HS3ST4: variants seen among roughly 807,000 people sequenced by gnomAD.
HS3ST4 encodes heparan sulfate glucosamine 3-O-sulfotransferase 4.
HS3ST4 carries 17 observed loss-of-function variants against 29.2 expected under a neutral mutation model. The observed-to-expected ratio is 0.58, with a 90% confidence interval of 0.40 to 0.87. The LOEUF (loss-of-function observed/expected upper bound fraction) is 0.87. HS3ST4 is among the 40% of genes least tolerant of loss of function. The probability of loss-of-function intolerance (pLI) is 0.00; values close to 1 mark genes in which losing one functional copy is unlikely to be tolerated. For synonymous variants in HS3ST4, 314 were observed against 285.7 expected (o/e 1.10, Z -1.00); for missense variants, 627 against 634.5 (o/e 0.99, Z 0.13).
At chr16:25,820,510 CAGCCTCCTGAGT>C (rs1967142426) in intron 1 of HS3ST4, among the ~76,000 whole-genome samples, 1 of 152,222 alleles carries the variant, frequency 6.6e-6, no homozygotes, top group Non-Finnish European at 1.5e-5. Context: ...CCTCCTGCCT[CAGCCTCCTGAGT>C]AGCTAGGACT....
intron 1 of HS3ST4, among the ~76,000 whole-genome samples, chr16:26,006,546 A>G (rs941913968): frequency 1.3e-5 from 2 of 152,108 alleles, no homozygotes; most frequent in Non-Finnish European, 2.9e-5. Context: ...TATTATTCAA[A>G]TAAGCCTTCC....
chr16:25,814,681 G>C (rs1225999618), intron 1 of HS3ST4, among the ~76,000 whole-genome samples: 1 of 152,192 alleles, frequency 6.6e-6, no homozygotes, highest in Non-Finnish European at 1.5e-5. Context: ...TTGGACGCAG[G>C]CCAAATGACT....
At chr16:25,799,236 C>T (rs1351227304) in intron 1 of HS3ST4, among the ~76,000 whole-genome samples, 1 of 152,160 alleles carries the variant, frequency 6.6e-6, no homozygotes. Flanking sequence ...TTCAAATTCC[C>T]ATTGTTACCT....
At chr16:26,001,962 A>T (rs1277299347) in intron 1 of HS3ST4, among the ~76,000 whole-genome samples, 3 of 152,146 alleles carry the variant, frequency 2.0e-5, no homozygotes, top group Non-Finnish European at 4.4e-5. Context: ...CTTGGTAACT[A>T]ATTGAACATG....
chr16:25,731,383 C>T (rs940724737), intron 1 of HS3ST4, among the ~76,000 whole-genome samples: 1 of 152,168 alleles, frequency 6.6e-6, no homozygotes. Context: ...CTGTGTTGCC[C>T]AGGCTGGAGT....
intron 1 of HS3ST4, among the ~76,000 whole-genome samples, chr16:25,999,090 T>G (rs558483098): frequency 1.2e-3 from 189 of 152,294 alleles, no homozygotes; most frequent in African/African-American, 4.2e-3. Flanking sequence ...TATTTATATT[T>G]TTACTAGCTA....
chr16:26,059,746 C>T (rs144424237), intron 1 of HS3ST4, among the ~76,000 whole-genome samples: 45 of 151,994 alleles, frequency 3.0e-4, no homozygotes, highest in East Asian at 7.7e-4. Flanking sequence ...CTTTCAAACG[C>T]GCTAGTATTA....
In HS3ST4 at chr16:25,798,776, A is replaced by G. The variant is rs147857660; in HGVS notation, c.734+105625A>G. Among the ~76,000 whole-genome samples the G allele has an allele frequency of 1.7e-3, 253 of 152,316 alleles. 2 individuals carry two copies. The Middle Eastern group carries it at 0.017, about 10-fold the overall frequency. ...TCATGTGGGGCTTCACGGCACCCTC[A>G]TTCTTTAGATGCTTGTCTCTAATCC... On this transcript the variant is annotated intron_variant, in intron 1 of 1. Coordinates refer to ENST00000331351, the MANE Select transcript of HS3ST4 (RefSeq NM_006040.3).
chr16:26,054,629 G>A (rs552608490), intron 1 of HS3ST4, among the ~76,000 whole-genome samples: 2 of 152,268 alleles, frequency 1.3e-5, no homozygotes, highest in African/African-American at 4.8e-5. Flanking sequence ...ATAAGAACTG[G>A]GTACTGGAGT....
At chr16:25,795,649 A>G (rs1240788709) in intron 1 of HS3ST4, among the ~76,000 whole-genome samples, 1 of 152,144 alleles carries the variant, frequency 6.6e-6, no homozygotes, top group African/African-American at 2.4e-5. Context: ...GTTGGAGATT[A>G]TGTATATCAA....
intron 1 of HS3ST4, among the ~76,000 whole-genome samples, chr16:26,123,504 A>G (rs1342507419): frequency 6.6e-6 from 1 of 152,226 alleles, no homozygotes. Context: ...AACAATTTGT[A>G]CTATTTCAGA....
chr16:25,833,524 A>G (rs1012235444), intron 1 of HS3ST4, among the ~76,000 whole-genome samples: 11 of 152,230 alleles, frequency 7.2e-5, no homozygotes, highest in African/African-American at 2.7e-4. Flanking sequence ...CTGATATATC[A>G]TAAGCACTTA....
At chr16:25,806,396 C>G (rs1966991725) in intron 1 of HS3ST4, among the ~76,000 whole-genome samples, 2 of 152,050 alleles carry the variant, frequency 1.3e-5, no homozygotes, top group Admixed American at 1.3e-4. Flanking sequence ...CCTCAAGTCC[C>G]CTACTCATGA....
intron 1 of HS3ST4, among the ~76,000 whole-genome samples, chr16:25,999,716 ACTTT>A (rs1337581186): frequency 8.3e-5 from 12 of 145,320 alleles, no homozygotes; most frequent in African/African-American, 3.0e-4. Flanking sequence ...TTCACATTGT[ACTTT>A]CTATTTAAAG....
At chr16:26,124,796 T>C (rs974349042) in intron 1 of HS3ST4, among the ~76,000 whole-genome samples, 2 of 152,234 alleles carry the variant, frequency 1.3e-5, no homozygotes, top group African/African-American at 4.8e-5. Context: ...TTAGAGTTGA[T>C]GAGGAACTTC....
chr16:25,872,850 A>G (rs1357775062), intron 1 of HS3ST4, among the ~76,000 whole-genome samples: 1 of 151,728 alleles, frequency 6.6e-6, no homozygotes, highest in Non-Finnish European at 1.5e-5. Context: ...ACATACTACA[A>G]GCTTCTCTGT....
intron 1 of HS3ST4, among the ~76,000 whole-genome samples, chr16:26,046,769 T>G (rs1463381880): frequency 6.6e-6 from 1 of 152,160 alleles, no homozygotes; most frequent in African/African-American, 2.4e-5. Flanking sequence ...CAATACTTAC[T>G]GGGGTGCTAG....
At chr16:25,731,437 C>T (rs189114366) in intron 1 of HS3ST4, among the ~76,000 whole-genome samples, 19 of 152,134 alleles carry the variant, frequency 1.2e-4, no homozygotes, top group African/African-American at 3.6e-4. Flanking sequence ...ACCTCCTGGA[C>T]TCAAGCAATC....
chr16:25,939,106 G>T (rs1462479338), intron 1 of HS3ST4, among the ~76,000 whole-genome samples: 2 of 152,044 alleles, frequency 1.3e-5, no homozygotes, highest in African/African-American at 4.8e-5. Flanking sequence ...GGTAGTTCCT[G>T]CATGCAGAGA....
Sources: allele counts gnomAD v4.1 joint callset (sites outside exome capture counted in the v4.1 genomes callset), GRCh38; gene constraint gnomAD v4.1.1; transcripts MANE v1.5; gene names NCBI Gene and HGNC (gene_info 2026-07-23, HGNC 2026-07-21).